Variants in FRAS1 observed in about 807,000 individuals in gnomAD.
FRAS1 encodes Fraser extracellular matrix complex subunit 1.
Under a neutral mutation model 435.2 loss-of-function variants are expected in FRAS1, and 290 were observed. The ratio of observed to expected loss-of-function variants is 0.67; its 90% CI spans 0.61 to 0.73. The LOEUF is 0.73. Among genes scored for constraint, FRAS1 ranks in the 30% least tolerant of loss-of-function variants. The pLI, the probability that FRAS1 is intolerant of heterozygous loss-of-function variation, is 0.00. For synonymous variants in FRAS1, 1,800 were observed against 1,851.0 expected (o/e 0.97, Z 0.71); for missense variants, 4,860 against 5,001.5 (o/e 0.97, Z 0.85).
intron 2 of FRAS1, among the ~76,000 whole-genome samples, chr4:78,128,982 G>A (rs1719533440): frequency 4.6e-5 from 7 of 152,164 alleles, no homozygotes; most frequent in Admixed American, 2.0e-4. Flanking sequence ...TGGCTAGCCA[G>A]TTTTCCCAGC....
At chr4:78,235,279 C>T (rs561089900) in intron 2 of FRAS1, among the ~76,000 whole-genome samples, 1 of 152,310 alleles carries the variant, frequency 6.6e-6, no homozygotes, top group Non-Finnish European at 1.5e-5. Context: ...CATAGCCTAG[C>T]TAAGCTGGCA....
intron 47 of FRAS1, 88 bp downstream of exon 47, chr4:78,452,442 A>G: frequency 2.0e-6 from 2 of 984,736 alleles, no homozygotes; most frequent in Middle Eastern, 4.9e-4. Flanking sequence ...ATGTATACCT[A>G]GAATCTGCCT....
In FRAS1 at chr4:78,169,054, G is replaced by C. The variant is rs573183767; in HGVS notation, c.109-68456G>C. 2.6e-5 allele frequency among the ~76,000 whole-genome samples: 4 copies of C among 152,192 alleles called. No homozygotes were observed. In the South Asian group the frequency reaches 6.2e-4, roughly 24 times the overall value. ...GGGATTGCTGCATCCAGTACAAAGAGGGTTTTAAGACTCCAACCAGCCGAA... is the reference window on the plus strand; with the variant it reads ...GGGATTGCTGCATCCAGTACAAAGACGGTTTTAAGACTCCAACCAGCCGAA... On this transcript the variant is annotated intron_variant, in intron 2 of 73. Coordinates refer to ENST00000512123, the MANE Select transcript of FRAS1 (RefSeq NM_025074.7).
At chr4:78,240,963 G>A (rs1052944563) in intron 3 of FRAS1, among the ~76,000 whole-genome samples, 28 of 152,216 alleles carry the variant, frequency 1.8e-4, no homozygotes, top group African/African-American at 4.6e-4. Flanking sequence ...AAAGGAGTAA[G>A]TGGGAGGAGA....
chr4:78,445,433 TGCCGAAAATGATACCTTG>T, intron 41 of FRAS1, 71 bp from the exon 42 acceptor site: 1 of 1,425,006 alleles, frequency 7.0e-7, no homozygotes, highest in Non-Finnish European at 9.2e-7. Flanking sequence ...TCTTTTTTTT[TGCCGAAAATGATACCTTG>T]TTTTCTAGTT....
rs184462455 is a variant in FRAS1, at chr4:78,123,891, T to C, written c.108+57875T>C. ...GAGATTTTGGGCTGAGACGATGGGG[T>C]TTTTTAAACATACAATCAAGTCATC... On this transcript the variant is annotated intron_variant, in intron 2 of 73. Transcript: ENST00000512123. Among the ~76,000 whole-genome samples the C allele has an allele frequency of 1.7e-3, 266 of 152,114 alleles. 2 individuals carry two copies. Among genetic ancestry groups the C allele is most frequent in the African/African-American group, 6.3e-3 (260 of 41,466 alleles).
intron 42 of FRAS1, 97 bp from the exon 43 acceptor site, chr4:78,446,630 T>G: frequency 4.8e-6 from 7 of 1,466,128 alleles, no homozygotes; most frequent in Non-Finnish European, 6.3e-6. Flanking sequence ...TATTTTGAGG[T>G]GAACATTTCT....
intron 32 of FRAS1, among the ~76,000 whole-genome samples, chr4:78,414,602 A>G (rs1410371956): frequency 2.0e-5 from 3 of 152,246 alleles, no homozygotes; most frequent in African/African-American, 7.2e-5. Context: ...ATTTAGTCTC[A>G]TCTAATAACA....
chr4:78,494,986 C>G (rs991349602), intron 59 of FRAS1, among the ~76,000 whole-genome samples: 1 of 152,140 alleles, frequency 6.6e-6, no homozygotes, highest in African/African-American at 2.4e-5. Context: ...ACCCTATATT[C>G]TCTTCAAAAC....
chr4:78,069,264 G>A (rs1484671074), intron 2 of FRAS1, among the ~76,000 whole-genome samples: 1 of 152,208 alleles, frequency 6.6e-6, no homozygotes, highest in African/African-American at 2.4e-5. Flanking sequence ...TCTCCCAGGT[G>A]AGTAACCAGA....
At chr4:78,449,317 G>A (rs1026772327) in intron 44 of FRAS1, among the ~76,000 whole-genome samples, 3 of 152,170 alleles carry the variant, frequency 2.0e-5, no homozygotes, top group African/African-American at 7.2e-5. Context: ...AATTCTCCAT[G>A]TTACAGCAGC....
At chr4:78,088,691 C>G (rs552440331) in intron 2 of FRAS1, among the ~76,000 whole-genome samples, 30 of 152,254 alleles carry the variant, frequency 2.0e-4, no homozygotes, top group Admixed American at 4.6e-4. Context: ...CTCATCATCA[C>G]TGGCCATCAG....
chr4:78,160,230 C>A (rs1040935301), intron 2 of FRAS1, among the ~76,000 whole-genome samples: 4 of 152,144 alleles, frequency 2.6e-5, no homozygotes, highest in Non-Finnish European at 4.4e-5. Context: ...AAAAGAAATA[C>A]GTTTTAAATG....
chr4:78,394,555 CA>C (rs1364520013), intron 29 of FRAS1, among the ~76,000 whole-genome samples: 1 of 88,090 alleles, frequency 1.1e-5, no homozygotes, highest in Non-Finnish European at 2.8e-5. Context: ...TATTCTGTTC[CA>C]CTGGTCTATG....
chr4:78,216,983 G>A (rs1723795580), intron 2 of FRAS1, among the ~76,000 whole-genome samples: 1 of 152,130 alleles, frequency 6.6e-6, no homozygotes. Context: ...AGAAATTTAA[G>A]TTTTTTTAGT....
intron 2 of FRAS1, among the ~76,000 whole-genome samples, chr4:78,121,035 T>G (rs926617239): frequency 2.6e-5 from 4 of 152,298 alleles, no homozygotes; most frequent in African/African-American, 7.2e-5. Context: ...CCTTTGATAC[T>G]TTAGCACTTT....
chr4:78,206,552 A>G (rs1035286071), intron 2 of FRAS1, among the ~76,000 whole-genome samples: 1 of 152,224 alleles, frequency 6.6e-6, no homozygotes, highest in Non-Finnish European at 1.5e-5. Context: ...GGGTGTTTTT[A>G]TAATATTGTT....
chr4:78,393,925 A>G (rs957191994), intron 29 of FRAS1, among the ~76,000 whole-genome samples: 12 of 151,978 alleles, frequency 7.9e-5, no homozygotes, highest in East Asian at 7.7e-4. Flanking sequence ...TTTTTTAGCC[A>G]TCCTGACAAG....
chr4:78,364,583 T>C (rs1467569155), intron 22 of FRAS1, among the ~76,000 whole-genome samples: 1 of 152,200 alleles, frequency 6.6e-6, no homozygotes, highest in Non-Finnish European at 1.5e-5. Flanking sequence ...GTTACTTATA[T>C]AGATGTCTTA....
Sources: gnomAD v4.1 joint callset for allele counts (sites outside exome capture counted in the v4.1 genomes callset) on GRCh38, gnomAD v4.1.1 for gene constraint, MANE v1.5 for transcripts, NCBI Gene and HGNC (gene_info 2026-07-23, HGNC 2026-07-21) for gene names.